Variants in ZNF726 observed in about 807,000 individuals in gnomAD.
The protein encoded by ZNF726 is zinc finger protein 92 pseudogene 3.
A neutral mutation model predicts 11.6 loss-of-function variants in ZNF726; 15 were observed. That is an observed-to-expected ratio of 1.29 (90% CI 0.86 to 1.99). ZNF726 has a LOEUF of 1.99. Among genes scored for constraint, ZNF726 ranks in the 30% most tolerant of loss-of-function variants. The pLI is 0.00. For missense variants in ZNF726, 890 were observed against 725.6 expected, an observed-to-expected ratio of 1.23 and a Z score of -2.60; for synonymous variants, 295 against 243.6, an observed-to-expected ratio of 1.21 and a Z score of -1.96.
At chr19:23,943,670 T>C in intron 4 of ZNF726, 1 of 454,620 alleles carries the variant, frequency 2.2e-6, no homozygotes, top group South Asian at 5.8e-5. Flanking sequence ...AAATGTGATA[T>C]GGGATGCTCT....
rs754287407 is a variant in ZNF726, at chr19:23,923,473, G to A, written c.226+3391G>A. 16 of 334,708 alleles carry A rather than the reference G, an allele frequency of 4.8e-5. 1 individual carries two copies. The highest frequency in any genetic ancestry group is 2.3e-4 in the South Asian group (10 of 43,584). The allele number at this position is 334,708 out of a possible 1,614,324, so 20.7% of individuals were successfully genotyped here. A position where few individuals can be genotyped will look rare whatever the true frequency, so the allele number is the denominator to read the frequency against. Reference sequence around the variant, plus strand: ...GTCACCCAGGCTGGAGTGCAGTGGCGTGATCTTGGCTCACTGCAACCTCCG... The same window carrying A: ...GTCACCCAGGCTGGAGTGCAGTGGCATGATCTTGGCTCACTGCAACCTCCG... On this transcript the variant is annotated intron_variant, in intron 3 of 3. Transcript: ENST00000594466.
rs1968163251 is a variant in ZNF726, at chr19:23,933,424, G to T, written c.1308G>T (p.Trp436Cys). Residue 436 changes from tryptophan to cysteine, a missense_variant, in exon 4 of 4, where the codon TGG becomes TGT. Trp to Cys is a radical substitution (Grantham distance 215). Transcript: ENST00000594466. ...KCEECGKAFI[W>C]SSNLTEHKKI... ...AAGAATGCGGCAAAGCGTTTATATG[G>T]TCCTCAAACCTTACTGAACATAAGA... is the stretch of plus-strand genomic sequence containing the variant. The T allele has an allele frequency of 6.2e-7, 1 of 1,611,060 alleles. No individual in the cohort carries two copies.
At chr19:23,937,137 G>C (rs569447676), downstream of ZNF726, among the ~76,000 whole-genome samples, 2 of 146,528 alleles carry the variant, frequency 1.4e-5, no homozygotes, top group African/African-American at 5.1e-5. Flanking sequence ...GGGCGGGGGG[G>C]CTGACCCCCC....
At chr19:23,916,101 A>C (rs1967691503) in intron 1 of ZNF726, among the ~76,000 whole-genome samples, 2 of 151,816 alleles carry the variant, frequency 1.3e-5, no homozygotes, top group Admixed American at 6.6e-5. Flanking sequence ...TGGTTTTCAC[A>C]CTCCACAGGG....
intron 3 of ZNF726, chr19:23,928,315 A>G (rs1599463297): frequency 6.6e-6 from 1 of 152,206 alleles, no homozygotes; most frequent in Non-Finnish European, 1.5e-5. Context: ...AAAATAATTG[A>G]TACAGTCTAT....
intron 3 of ZNF726, chr19:23,929,343 A>C (rs1056736654): frequency 6.6e-6 from 1 of 152,322 alleles, no homozygotes; most frequent in Non-Finnish European, 1.5e-5. Flanking sequence ...GAGACTGGGC[A>C]ATTTAGAAAA....
rs1375187305 is a variant in ZNF726, at chr19:23,932,447, T to G, written c.331T>G (p.Leu111Val). Residue 111 changes from leucine to valine, a missense_variant, in exon 4 of 4, where the codon TTA (leucine) becomes GTA (valine). Coordinates refer to ENST00000594466, the MANE Select transcript of ZNF726 (RefSeq NM_001244038.2). ...RRFEKCGHEN[L>V]QLRKGCKSVD... ...ATTTGAAAAATGTGGACATGAGAAT[T>G]TACAGTTAAGAAAAGGTTGTAAAAG... The G allele has an allele frequency of 6.4e-7, 1 of 1,574,458 alleles. No individual in the cohort carries two copies. The highest frequency in any genetic ancestry group is 8.6e-7 in the Non-Finnish European group (1 of 1,164,128).
chr19:23,937,215 G>T (rs1300028391), downstream of ZNF726, among the ~76,000 whole-genome samples: 3 of 151,300 alleles, frequency 2.0e-5, no homozygotes, highest in South Asian at 2.1e-4. Context: ...TCCCGGACGG[G>T]GCGGCTGGCC....
At chr19:23,919,572 G>A in intron 2 of ZNF726, 73 bp downstream of exon 2, 1 of 1,463,576 alleles carries the variant, frequency 6.8e-7, no homozygotes, top group Non-Finnish European at 9.1e-7. Context: ...TATGTTTTCT[G>A]GTAATTTATG....
In ZNF726 at chr19:23,931,870, C is replaced by T. The variant is rs1250203897; in HGVS notation, c.227-473C>T. On this transcript the variant is annotated intron_variant, in intron 3 of 3. Coordinates refer to ENST00000594466, the MANE Select transcript of ZNF726 (RefSeq NM_001244038.2). ...TCTCAGTGGACTCAAACTCTCATTC[C>T]GAAGTATACCACCATTTCTGTCAGC... Among the ~76,000 whole-genome samples the T allele has an allele frequency of 4.6e-5, 7 of 152,000 alleles. No homozygotes were observed. The East Asian group carries it at 7.7e-4, about 17-fold the overall frequency.
intron 3 of ZNF726, among the ~76,000 whole-genome samples, chr19:23,927,068 C>T (rs1386454394): frequency 1.3e-5 from 2 of 151,894 alleles, no homozygotes; most frequent in African/African-American, 4.8e-5. Context: ...ACCTCTGCCT[C>T]CCAGGTTCAA....
Position 23,932,842 on chromosome 19 carries a change from A to G in ZNF726, c.726A>G (p.Ser242=), listed in dbSNP as rs1224054465. 3 of 1,606,432 alleles carry G rather than the reference A, an allele frequency of 1.9e-6. No individual in the cohort carries two copies. Among genetic ancestry groups the G allele is most frequent in the Non-Finnish European group, 2.5e-6 (3 of 1,176,704 alleles). The change falls in exon 4 of 4, where the codon TCA becomes TCG. Residue 242 remains serine (S), a synonymous_variant. Coordinates refer to ENST00000594466, the MANE Select transcript of ZNF726 (RefSeq NM_001244038.2). ...ATGGCAAAGCTTTTAATCAATCCTCAAATTATACTACACATAAGGTAACTC... is the reference window on the plus strand; with the variant it reads ...ATGGCAAAGCTTTTAATCAATCCTCGAATTATACTACACATAAGGTAACTC... ...EEYGKAFNQS[S]NYTTHKVTHT...
chr19:23,937,218 G>A (rs928962504), downstream of ZNF726, among the ~76,000 whole-genome samples: 6 of 150,724 alleles, frequency 4.0e-5, no homozygotes, highest in Non-Finnish European at 7.4e-5. Flanking sequence ...CGGACGGGGC[G>A]GCTGGCCGGG....
chr19:23,919,623 C>CT, intron 2 of ZNF726, 124 bp downstream of exon 2: 2 of 1,271,818 alleles, frequency 1.6e-6, no homozygotes, highest in Non-Finnish European at 2.1e-6. Flanking sequence ...GGGGATTTGT[C>CT]TGTTTAGAAA....
At chr19:23,928,729 A>T (rs1039452509) in intron 3 of ZNF726, 2 of 152,130 alleles carry the variant, frequency 1.3e-5, no homozygotes, top group African/African-American at 4.8e-5. Context: ...TGTAGGTGGC[A>T]TATGGTTTGC....
chr19:23,937,942 A>T (rs1292616883), downstream of ZNF726, among the ~76,000 whole-genome samples: 1 of 152,220 alleles, frequency 6.6e-6, no homozygotes, highest in Admixed American at 6.5e-5. Context: ...GTATATTTTT[A>T]AATTATGTGT....
chr19:23,925,795 C>A (rs2144975226), intron 3 of ZNF726, among the ~76,000 whole-genome samples: 1 of 147,738 alleles, frequency 6.8e-6, no homozygotes, highest in African/African-American at 2.5e-5. Context: ...CGGCTCCCTG[C>A]AACCTCCGCC....
In ZNF726 at chr19:23,934,337, T is replaced by A; in HGVS notation, c.*370T>A. The A allele has an allele frequency of 1.8e-6, 1 of 567,160 alleles. No individual in the cohort carries two copies. The highest frequency in any genetic ancestry group is 3.5e-6 in the Non-Finnish European group (1 of 286,298). 35.1% of individuals were successfully genotyped at this position (567,160 alleles called of 1,614,324 possible). A position where few individuals can be genotyped will look rare whatever the true frequency, so the allele number is the denominator to read the frequency against. ...GGAATGTGGCAAAGCCTTTAAATGT[T>A]CCTCAACTGTTACTGAACATAAAGT... On this transcript the variant is annotated 3_prime_UTR_variant, in exon 4 of 4. Transcript: ENST00000594466.
At chr19:23,930,223 A>AT (rs1423710064) in intron 3 of ZNF726, among the ~76,000 whole-genome samples, 3 of 151,976 alleles carry the variant, frequency 2.0e-5, no homozygotes, top group South Asian at 4.1e-4. Flanking sequence ...GGTTAGAAAT[A>AT]TTTTTTCCTT....
Sources: allele counts gnomAD v4.1 joint callset (sites outside exome capture counted in the v4.1 genomes callset), GRCh38; gene constraint gnomAD v4.1.1; transcripts MANE v1.5; gene names NCBI Gene and HGNC (gene_info 2026-07-23, HGNC 2026-07-21).